Variants in SCMH1 observed in about 807,000 individuals in gnomAD.
The protein encoded by SCMH1 is Scm polycomb group protein homolog 1.
SCMH1 carries 37 observed loss-of-function variants against 70.8 expected under a neutral mutation model. That is an observed-to-expected ratio of 0.52 (90% CI 0.40 to 0.69). The LOEUF (loss-of-function observed/expected upper bound fraction) is 0.69, where lower values mean the gene tolerates loss of function less well. SCMH1 is among the 30% of genes least tolerant of loss of function. SCMH1 has a pLI of 0.00. For synonymous variants in SCMH1, 292 were observed against 307.4 expected (o/e 0.95, Z 0.52); for missense variants, 607 against 827.3 (o/e 0.73, Z 3.27).
chr1:41,215,129 T>C (rs200358796), intron 1 of SCMH1, among the ~76,000 whole-genome samples: 1 of 152,160 alleles, frequency 6.6e-6, no homozygotes, highest in African/African-American at 2.4e-5. Context: ...CAGTTAAGTG[T>C]TAAAGTTAGT....
intron 6 of SCMH1, among the ~76,000 whole-genome samples, chr1:41,141,851 A>G (rs890685273): frequency 6.6e-6 from 1 of 152,176 alleles, no homozygotes; most frequent in Admixed American, 6.5e-5. Flanking sequence ...AATCCAGAAA[A>G]TTTAAACACA....
chr1:41,116,884 A>C, intron 7 of SCMH1, 38 bp downstream of exon 7: 3 of 1,527,092 alleles, frequency 2.0e-6, no homozygotes, highest in Non-Finnish European at 2.7e-6. Flanking sequence ...TTTGACCTTA[A>C]GCAGCCTGGA....
Position 41,086,029 on chromosome 1 carries a change from T to C in SCMH1, c.746-10578A>G, listed in dbSNP as rs564295351. On this transcript the variant is annotated intron_variant, in intron 8 of 14. Coordinates refer to ENST00000337495, the Ensembl canonical transcript of SCMH1. ...CTAATTTCTGTATTTTTAGTAGAGATAGGGTTTCACCACATTGGCCAGGAT... is the reference window on the plus strand; with the variant it reads ...CTAATTTCTGTATTTTTAGTAGAGACAGGGTTTCACCACATTGGCCAGGAT... Among the ~76,000 whole-genome samples, 72 of 151,946 alleles carry C rather than the reference T, an allele frequency of 4.7e-4. 1 individual carries two copies. In the South Asian group the frequency reaches 0.014, roughly 29 times the overall value.
At chr1:41,228,776 A>G (rs1660760022) in intron 1 of SCMH1, among the ~76,000 whole-genome samples, 1 of 152,022 alleles carries the variant, frequency 6.6e-6, no homozygotes, top group Non-Finnish European at 1.5e-5. Flanking sequence ...GAATGTAGAG[A>G]GAATAGTATA....
At chr1:41,059,698 T>C (rs1372366412) in intron 10 of SCMH1, among the ~76,000 whole-genome samples, 1 of 152,210 alleles carries the variant, frequency 6.6e-6, no homozygotes, top group African/African-American at 2.4e-5. Flanking sequence ...AAGAGCACTG[T>C]AGCATGCCCA....
At chr1:41,091,991 A>C (rs1357793777) in intron 8 of SCMH1, among the ~76,000 whole-genome samples, 1 of 152,186 alleles carries the variant, frequency 6.6e-6, no homozygotes, top group Non-Finnish European at 1.5e-5. Flanking sequence ...CAAGCTACCA[A>C]TGACTTTCTT....
chr1:41,159,211 C>G (rs907491145), intron 4 of SCMH1, among the ~76,000 whole-genome samples: 3 of 152,184 alleles, frequency 2.0e-5, no homozygotes, highest in African/African-American at 7.2e-5. Context: ...GATTAACTTA[C>G]ATCAGAGGAT....
chr1:41,107,424 A>G (rs2363098), intron 8 of SCMH1, among the ~76,000 whole-genome samples: 9,039 of 152,034 alleles, frequency 0.059, 383 homozygotes, highest in South Asian at 0.12. Flanking sequence ...GAGGAAGATC[A>G]GTCTATCAGG....
chr1:41,115,136 A>G (rs531066923), intron 7 of SCMH1, among the ~76,000 whole-genome samples: 12 of 152,234 alleles, frequency 7.9e-5, no homozygotes, highest in Non-Finnish European at 1.6e-4. Flanking sequence ...TTTAAATTTA[A>G]CTGTTGTTAA....
chr1:41,238,072 C>T (rs772908917), intron 1 of SCMH1, among the ~76,000 whole-genome samples: 173 of 152,298 alleles, frequency 1.1e-3, no homozygotes, highest in African/African-American at 4.0e-3. Context: ...CTGAAGCTCA[C>T]AGAGGCTAAA....
At chr1:41,043,426 G>GTT (rs368412849) in intron 12 of SCMH1, 22 of 134,216 alleles carry the variant, frequency 1.6e-4, no homozygotes, top group Non-Finnish European at 2.4e-4. Flanking sequence ...AATTTCATTA[G>GTT]TTTTTTTTTT....
chr1:41,040,591 A>ATGG (rs1646000691), intron 12 of SCMH1, among the ~76,000 whole-genome samples: 1 of 151,772 alleles, frequency 6.6e-6, no homozygotes, highest in African/African-American at 2.4e-5. Context: ...TTGGCTGGGC[A>ATGG]TGGTGGCTCA....
At chr1:41,152,744 G>T in intron 4 of SCMH1, 1 of 1,602,030 alleles carries the variant, frequency 6.2e-7, no homozygotes. Flanking sequence ...ACTAGATGCT[G>T]GGAATAAAAA....
chr1:41,071,165 C>T (rs899247375), intron 9 of SCMH1, among the ~76,000 whole-genome samples: 4 of 152,156 alleles, frequency 2.6e-5, no homozygotes, highest in African/African-American at 9.7e-5. Flanking sequence ...CTGCCTCTCT[C>T]TTCACCTCAT....
At chr1:41,106,769 A>C (rs538980635) in intron 8 of SCMH1, among the ~76,000 whole-genome samples, 98 of 151,922 alleles carry the variant, frequency 6.5e-4, no homozygotes, top group African/African-American at 2.4e-3. Context: ...AGCTCACTGC[A>C]ACCTCTGCCT....
At chr1:41,198,530 T>C (rs1653573788) in intron 1 of SCMH1, among the ~76,000 whole-genome samples, 1 of 152,204 alleles carries the variant, frequency 6.6e-6, no homozygotes, top group African/African-American at 2.4e-5. Context: ...AATTGTTTTT[T>C]ATAACAGGAG....
intron 9 of SCMH1, 104 bp from the exon 10 acceptor site, chr1:41,070,825 G>T: frequency 7.3e-7 from 1 of 1,362,670 alleles, no homozygotes; most frequent in Non-Finnish European, 1.0e-6. Flanking sequence ...TTTATGGATG[G>T]AATAGTGTTT....
chr1:41,076,560 G>C (rs1003190425), intron 8 of SCMH1, among the ~76,000 whole-genome samples: 1 of 152,174 alleles, frequency 6.6e-6, no homozygotes, highest in Admixed American at 6.5e-5. Context: ...ACGGTATAAT[G>C]TCAGGTAGTG....
chr1:41,113,667 T>A lies in SCMH1; in HGVS notation c.502-141A>T. On this transcript the variant is annotated intron_variant, in intron 7 of 14. Transcript: ENST00000337495. This position sits in a 1 kb window ranked among gnomAD's most constrained non-coding sequence, Gnocchi z 4.3. The stretch of plus-strand genomic sequence containing the variant: ...TATATAGCCTTTCTTTTAAATTAAT[T>A]TTAAATTCAATATTTCAATATTTAA... 1.3e-6 allele frequency: 1 copy of A among 766,534 alleles called. No individual in the cohort carries two copies. The highest frequency in any genetic ancestry group is 1.8e-6 in the Non-Finnish European group (1 of 549,248). The allele number at this position is 766,534 out of a possible 1,614,324, so 47.5% of individuals were successfully genotyped here. A position where few individuals can be genotyped will look rare whatever the true frequency, so the allele number is the denominator to read the frequency against.
Sources: gnomAD v4.1 joint callset for allele counts (sites outside exome capture counted in the v4.1 genomes callset) on GRCh38, gnomAD v4.1.1 for gene constraint, Gnocchi (gnomAD v3.1) non-coding constraint, MANE v1.5 for transcripts, NCBI Gene and HGNC (gene_info 2026-07-23, HGNC 2026-07-21) for gene names.